The following HIBADH variants were observed in gnomAD, a reference collection of about 807,000 sequenced individuals.
HIBADH encodes the protein 3-hydroxyisobutyrate dehydrogenase, mitochondrial.
Under a neutral mutation model 36.1 loss-of-function variants are expected in HIBADH, and 25 were observed. The observed-to-expected ratio is 0.69, with a 90% CI of 0.50 to 0.97. The LOEUF (loss-of-function observed/expected upper bound fraction) is 0.97. Among genes scored for constraint, HIBADH ranks in the 50% least tolerant of loss-of-function variants. HIBADH has a pLI of 0.00. For missense variants in HIBADH, 421 were observed against 418.0 expected, an observed-to-expected ratio of 1.01 and a Z score of -0.06; for synonymous variants, 160 against 149.5, an observed-to-expected ratio of 1.07 and a Z score of -0.51.
intron 7 of HIBADH, among the ~76,000 whole-genome samples, chr7:27,528,491 C>CTGAT (rs962014515): frequency 1.3e-5 from 2 of 152,170 alleles, no homozygotes; most frequent in Non-Finnish European, 2.9e-5. Flanking sequence ...GGCCTTACTG[C>CTGAT]TGATAGGGAG....
chr7:27,592,713 G>A (rs888131287), intron 4 of HIBADH, among the ~76,000 whole-genome samples: 10 of 152,058 alleles, frequency 6.6e-5, no homozygotes, highest in African/African-American at 2.4e-4. Flanking sequence ...CCTCTCACTT[G>A]TCTCCCAGCT....
intron 2 of HIBADH, among the ~76,000 whole-genome samples, chr7:27,637,077 G>A (rs1359940018): frequency 6.6e-6 from 1 of 152,218 alleles, no homozygotes; most frequent in Non-Finnish European, 1.5e-5. Context: ...AGATTTTGGA[G>A]AAATATGGCA....
intron 7 of HIBADH, among the ~76,000 whole-genome samples, chr7:27,527,862 T>A (rs1470015759): frequency 2.9e-5 from 4 of 138,646 alleles, no homozygotes; most frequent in Admixed American, 7.6e-5. Context: ...GTGATTCTCC[T>A]CCCGCAGCCT....
intron 2 of HIBADH, among the ~76,000 whole-genome samples, chr7:27,637,147 T>C (rs1785854186): frequency 6.6e-6 from 1 of 152,138 alleles, no homozygotes; most frequent in Non-Finnish European, 1.5e-5. Context: ...AATGGTACTT[T>C]CTATGTGCCA....
At chr7:27,627,618 G>A (rs1377868898) in intron 4 of HIBADH, among the ~76,000 whole-genome samples, 1 of 152,150 alleles carries the variant, frequency 6.6e-6, no homozygotes, top group Non-Finnish European at 1.5e-5. Flanking sequence ...CCTATTTTAA[G>A]TGGGAAGGTG....
intron 4 of HIBADH, among the ~76,000 whole-genome samples, chr7:27,564,933 A>C (rs1040922301): frequency 3.9e-5 from 6 of 152,160 alleles, no homozygotes; most frequent in African/African-American, 1.4e-4. Context: ...TATGCCTTTT[A>C]ATTTATTTCT....
chr7:27,626,674 TA>T (rs1302324444), intron 4 of HIBADH, among the ~76,000 whole-genome samples: 1 of 152,220 alleles, frequency 6.6e-6, no homozygotes, highest in Non-Finnish European at 1.5e-5. Flanking sequence ...AAATCATTAC[TA>T]TTTTAAATTC....
At chr7:27,643,170 T>C (rs1057178078) in intron 2 of HIBADH, among the ~76,000 whole-genome samples, 4 of 152,344 alleles carry the variant, frequency 2.6e-5, no homozygotes, top group South Asian at 2.1e-4. Context: ...GCCTGGCACA[T>C]AGAAAGTTCT....
intron 4 of HIBADH, among the ~76,000 whole-genome samples, chr7:27,587,587 C>T (rs902250121): frequency 6.6e-6 from 1 of 152,156 alleles, no homozygotes; most frequent in Non-Finnish European, 1.5e-5. Context: ...TTCTCCCCTC[C>T]CCTGCACCCT....
chr7:27,620,618 T>C (rs556829584), intron 4 of HIBADH, among the ~76,000 whole-genome samples: 1 of 152,074 alleles, frequency 6.6e-6, no homozygotes, highest in Non-Finnish European at 1.5e-5. Context: ...AAGGAATTCA[T>C]TACCACTAGC....
chr7:27,638,984 C>T (rs1003537761), intron 2 of HIBADH, among the ~76,000 whole-genome samples: 4 of 152,060 alleles, frequency 2.6e-5, no homozygotes, highest in African/African-American at 4.8e-5. Context: ...ATTTATACAC[C>T]GCTGGTGGGA....
intron 4 of HIBADH, among the ~76,000 whole-genome samples, chr7:27,591,159 A>G (rs1461235651): frequency 1.3e-5 from 2 of 152,234 alleles, no homozygotes; most frequent in Admixed American, 1.3e-4. Flanking sequence ...TCAAAACATC[A>G]TTTAAAAAAT....
intron 4 of HIBADH, among the ~76,000 whole-genome samples, chr7:27,551,873 T>C (rs1012153962): frequency 6.6e-6 from 1 of 152,220 alleles, no homozygotes; most frequent in Non-Finnish European, 1.5e-5. Context: ...CCAATGGGAC[T>C]TGGGCTGCAA....
intron 4 of HIBADH, among the ~76,000 whole-genome samples, chr7:27,575,817 G>A (rs999626952): frequency 1.3e-5 from 2 of 152,148 alleles, no homozygotes; most frequent in Admixed American, 6.5e-5. Context: ...ATGTAAGTAC[G>A]GAAATCTGCT....
At chr7:27,606,274 T>A (rs1392141650) in intron 4 of HIBADH, among the ~76,000 whole-genome samples, 1 of 152,208 alleles carries the variant, frequency 6.6e-6, no homozygotes, top group Non-Finnish European at 1.5e-5. Flanking sequence ...TGACCTTTTA[T>A]GACCATCAAG....
chr7:27,625,199 G>A (rs1408018682), intron 4 of HIBADH, among the ~76,000 whole-genome samples: 1 of 152,090 alleles, frequency 6.6e-6, no homozygotes, highest in African/African-American at 2.4e-5. Flanking sequence ...CCTGACATAA[G>A]GCTACACGTG....
intron 2 of HIBADH, among the ~76,000 whole-genome samples, chr7:27,637,303 C>T (rs144306285): frequency 2.0e-5 from 3 of 152,232 alleles, no homozygotes; most frequent in East Asian, 3.9e-4. Context: ...AGTTTGGTTC[C>T]GGGGTTTATA....
chr7:27,589,754 G>C (rs562294864), intron 4 of HIBADH, among the ~76,000 whole-genome samples: 31 of 152,312 alleles, frequency 2.0e-4, no homozygotes, highest in African/African-American at 7.2e-4. Context: ...AAAATGAAGA[G>C]AGTTATGTTC....
intron 2 of HIBADH, among the ~76,000 whole-genome samples, chr7:27,634,581 C>T (rs1465109623): frequency 6.6e-6 from 1 of 152,172 alleles, no homozygotes; most frequent in Non-Finnish European, 1.5e-5. Flanking sequence ...CTCTAATAAA[C>T]ACAATGCAAA....
Sources: allele counts gnomAD v4.1 joint callset (sites outside exome capture counted in the v4.1 genomes callset), GRCh38; gene constraint gnomAD v4.1.1; transcripts MANE v1.5; gene names NCBI Gene and HGNC (gene_info 2026-07-23, HGNC 2026-07-21).